BMP5: variants seen among roughly 807,000 people sequenced by gnomAD.
The protein encoded by BMP5 is bone morphogenetic protein 5.
BMP5 carries 23 observed loss-of-function variants against 46.6 expected under a neutral mutation model. That is an observed-to-expected ratio of 0.49 (90% confidence interval 0.35 to 0.70). BMP5 has a LOEUF of 0.70. Ranked by LOEUF, BMP5 falls within the 30% of genes least tolerant of loss-of-function variation. BMP5 has a pLI of 0.00. For missense variants in BMP5, 545 were observed against 565.6 expected (o/e 0.96, Z 0.37); for synonymous variants, 204 against 191.9 (o/e 1.06, Z -0.52).
intron 1 of BMP5, among the ~76,000 whole-genome samples, chr6:55,843,075 CA>C (rs1428102821): frequency 1.3e-5 from 2 of 151,566 alleles, no homozygotes; most frequent in Non-Finnish European, 2.9e-5. Context: ...AACTTTACAG[CA>C]AAAAAAGTAA....
chr6:55,800,262 A>T (rs1327930064), intron 2 of BMP5, among the ~76,000 whole-genome samples: 1 of 152,236 alleles, frequency 6.6e-6, no homozygotes, highest in Non-Finnish European at 1.5e-5. Context: ...TTTGAAGAAA[A>T]AGCCATCATA....
intron 1 of BMP5, among the ~76,000 whole-genome samples, chr6:55,821,863 T>C (rs1776417496): frequency 6.6e-6 from 1 of 152,180 alleles, no homozygotes; most frequent in African/African-American, 2.4e-5. Flanking sequence ...CATGTAAGAA[T>C]GCTAAAACTA....
intron 3 of BMP5, among the ~76,000 whole-genome samples, chr6:55,774,954 G>T (rs1227438363): frequency 6.6e-6 from 1 of 151,860 alleles, no homozygotes; most frequent in Non-Finnish European, 1.5e-5. Context: ...TCTGAGTTTT[G>T]ACACACCTAA....
At chr6:55,798,953 A>G (rs1775780169) in intron 2 of BMP5, among the ~76,000 whole-genome samples, 1 of 152,234 alleles carries the variant, frequency 6.6e-6, no homozygotes, top group African/African-American at 2.4e-5. Flanking sequence ...GCAGAATTTA[A>G]GTTACTACCA....
chr6:55,789,079 C>T (rs1270200722), intron 3 of BMP5, among the ~76,000 whole-genome samples: 1 of 151,594 alleles, frequency 6.6e-6, no homozygotes, highest in Non-Finnish European at 1.5e-5. Flanking sequence ...CTCTTAAGTC[C>T]TACTTCTAAA....
chr6:55,802,753 T>C (rs1048401510), intron 2 of BMP5, among the ~76,000 whole-genome samples: 6 of 151,896 alleles, frequency 4.0e-5, no homozygotes, highest in African/African-American at 1.5e-4. Flanking sequence ...TTACTTTTAA[T>C]GGCAAAAACC....
chr6:55,815,067 A>T (rs1776223344), intron 2 of BMP5, among the ~76,000 whole-genome samples: 1 of 141,654 alleles, frequency 7.1e-6, no homozygotes, highest in Admixed American at 7.8e-5. Flanking sequence ...CTGAAGGCAG[A>T]GGTTGCAGTG....
intron 1 of BMP5, among the ~76,000 whole-genome samples, chr6:55,872,352 G>T (rs1029097828): frequency 1.3e-5 from 2 of 151,652 alleles, no homozygotes; most frequent in Non-Finnish European, 3.0e-5. Flanking sequence ...AGAAGTTCAA[G>T]CATGATAAAA....
At chr6:55,829,154 A>G (rs113432095) in intron 1 of BMP5, among the ~76,000 whole-genome samples, 81 of 152,006 alleles carry the variant, frequency 5.3e-4, no homozygotes, top group African/African-American at 1.9e-3. Context: ...CAAGAACTGC[A>G]AGTGGCCCAC....
chr6:55,813,749 T>C (rs1288967612), intron 2 of BMP5, among the ~76,000 whole-genome samples: 1 of 148,056 alleles, frequency 6.8e-6, no homozygotes, highest in African/African-American at 2.6e-5. Context: ...ATTGCGCCAC[T>C]GCACTCCAGC....
At chr6:55,805,170 T>C (rs1295908233) in intron 2 of BMP5, among the ~76,000 whole-genome samples, 1 of 152,206 alleles carries the variant, frequency 6.6e-6, no homozygotes, top group Non-Finnish European at 1.5e-5. Context: ...TTTAAAAATA[T>C]AATTGAACAT....
chr6:55,871,396 A>G (rs1001253610), intron 1 of BMP5, among the ~76,000 whole-genome samples: 1 of 151,928 alleles, frequency 6.6e-6, no homozygotes, highest in Non-Finnish European at 1.5e-5. Context: ...AATATGATCG[A>G]AGGAATATTT....
chr6:55,803,345 GGTATAA>G (rs1775901159), intron 2 of BMP5, among the ~76,000 whole-genome samples: 1 of 151,810 alleles, frequency 6.6e-6, no homozygotes, highest in Non-Finnish European at 1.5e-5. Flanking sequence ...GTTATGAATG[GGTATAA>G]AAGATGTATA....
At chr6:55,860,586 AAG>A (rs151303263) in intron 1 of BMP5, among the ~76,000 whole-genome samples, 8 of 151,272 alleles carry the variant, frequency 5.3e-5, no homozygotes, top group Middle Eastern at 3.4e-3. Flanking sequence ...GCTAAAGGTA[AAG>A]AGAGAGAGAG....
chr6:55,852,164 T>A (rs1582120022), intron 1 of BMP5, among the ~76,000 whole-genome samples: 1 of 152,146 alleles, frequency 6.6e-6, no homozygotes, highest in African/African-American at 2.4e-5. Context: ...TATAGCAATA[T>A]ATAAAATATT....
chr6:55,759,172 A>AAAAAAAAAAC (rs1774697608), intron 5 of BMP5, 57 bp from the exon 6 acceptor site: 15 of 738,952 alleles, frequency 2.0e-5, no homozygotes, highest in Admixed American at 6.3e-5. Flanking sequence ...AAAAAAAAAA[A>AAAAAAAAAAC]AAAAAAAAAA....
intron 3 of BMP5, among the ~76,000 whole-genome samples, chr6:55,783,728 G>T (rs919368118): frequency 2.6e-5 from 4 of 151,868 alleles, no homozygotes; most frequent in Non-Finnish European, 5.9e-5. Context: ...CATCAGTTTA[G>T]CTAGAGTCTA....
intron 6 of BMP5, among the ~76,000 whole-genome samples, chr6:55,757,405 A>C (rs1026611160): frequency 6.6e-6 from 1 of 152,010 alleles, no homozygotes; most frequent in Non-Finnish European, 1.5e-5. Flanking sequence ...GTGATCATGA[A>C]GTTCTCTTCA....
At chr6:55,796,848 C>T (rs1199114791) in intron 2 of BMP5, among the ~76,000 whole-genome samples, 2 of 151,974 alleles carry the variant, frequency 1.3e-5, no homozygotes, top group Non-Finnish European at 2.9e-5. Context: ...TTCGGTGATG[C>T]AAATTGCAAT....
Sources: gnomAD v4.1 joint callset for allele counts (sites outside exome capture counted in the v4.1 genomes callset) on GRCh38, gnomAD v4.1.1 for gene constraint, MANE v1.5 for transcripts, NCBI Gene and HGNC (gene_info 2026-07-23, HGNC 2026-07-21) for gene names.